TTC39B: variants seen among roughly 807,000 people sequenced by gnomAD.
TTC39B encodes the protein tetratricopeptide repeat domain 39B.
A neutral mutation model predicts 96.6 loss-of-function variants in TTC39B; 92 were observed. The ratio of observed to expected loss-of-function variants is 0.95; its 90% CI spans 0.80 to 1.13. TTC39B has a LOEUF of 1.13. TTC39B is among the 50% of genes most tolerant of loss of function. TTC39B has a pLI of 0.00. For missense variants in TTC39B, 955 were observed against 809.3 expected (o/e 1.18, Z -2.18); for synonymous variants, 367 against 299.4 (o/e 1.23, Z -2.33).
intron 13 of TTC39B, among the ~76,000 whole-genome samples, chr9:15,188,380 T>C (rs1818658600): frequency 6.6e-6 from 1 of 152,218 alleles, no homozygotes; most frequent in South Asian, 2.1e-4. Context: ...CCAAGGAAGA[T>C]ATCAAATGCA....
chr9:15,246,159 A>AGGAGAATTGCT (rs1406832072), intron 2 of TTC39B, among the ~76,000 whole-genome samples: 1 of 152,220 alleles, frequency 6.6e-6, no homozygotes, highest in Non-Finnish European at 1.5e-5. Context: ...AGTCTGAGGC[A>AGGAGAATTGCT]GGAGAATTGC....
chr9:15,258,728 C>G (rs567590079), intron 2 of TTC39B, among the ~76,000 whole-genome samples: 2 of 152,156 alleles, frequency 1.3e-5, no homozygotes, highest in Non-Finnish European at 2.9e-5. Flanking sequence ...TAGGGGTTCA[C>G]TGGTCATTCA....
intron 6 of TTC39B, among the ~76,000 whole-genome samples, chr9:15,204,594 A>G (rs1411743071): frequency 1.3e-5 from 2 of 152,186 alleles, no homozygotes; most frequent in African/African-American, 2.4e-5. Flanking sequence ...AATTAAATGT[A>G]TGAATGCTAG....
chr9:15,302,876 C>T (rs1587043538), intron 1 of TTC39B, among the ~76,000 whole-genome samples: 1 of 148,776 alleles, frequency 6.7e-6, no homozygotes, highest in East Asian at 2.0e-4. Flanking sequence ...GTTTAAAAAG[C>T]TATGAACATT....
At position 15,271,271 on chromosome 9, in the gene TTC39B, C is replaced by G. The variant is rs553964271; in HGVS notation, c.241-3323G>C. ...TGTGTTTAATTTTGCCATCTGCTGT[C>G]TGATTGGAGTCCGCACACTGTGAAG... On this transcript the variant is annotated intron_variant, in intron 1 of 19. Transcript: ENST00000512701. Among the ~76,000 whole-genome samples the G allele has an allele frequency of 8.5e-4, 130 of 152,280 alleles. 5 individuals carry two copies. In the South Asian group the frequency reaches 0.027, roughly 31 times the overall value.
At chr9:15,275,913 T>G (rs1823527155) in intron 1 of TTC39B, among the ~76,000 whole-genome samples, 1 of 152,168 alleles carries the variant, frequency 6.6e-6, no homozygotes, top group African/African-American at 2.4e-5. Context: ...CTTTAAGATC[T>G]TTTTTTGAAA....
intron 2 of TTC39B, among the ~76,000 whole-genome samples, chr9:15,258,119 G>C (rs1264451316): frequency 6.6e-6 from 1 of 152,070 alleles, no homozygotes; most frequent in Non-Finnish European, 1.5e-5. Context: ...GGGTGCAGTT[G>C]GAAAAGTAGA....
At chr9:15,252,094 T>G (rs1378936103) in intron 2 of TTC39B, among the ~76,000 whole-genome samples, 1 of 152,126 alleles carries the variant, frequency 6.6e-6, no homozygotes, top group African/African-American at 2.4e-5. Flanking sequence ...AGACCTGGTG[T>G]TGTGAAGTTC....
Position 15,186,944 on chromosome 9 carries a change from C to T in TTC39B, c.1487G>A (p.Arg496Lys), listed in dbSNP as rs763176959. ...GTTATAGGAATAGTGTCTCACATAC[C>T]TGAATAAAGTTACCACATTCTCATT... The change falls in exon 15 of 20, where the codon AGA becomes AAA. Residue 496 changes from arginine to lysine, a missense_variant and splice_region_variant. Transcript: ENST00000512701. 6.8e-6 allele frequency: 11 copies of T among 1,613,078 alleles called. No individual in the cohort carries two copies. The South Asian group carries it at 1.2e-4, about 18-fold the overall frequency.
intron 8 of TTC39B, among the ~76,000 whole-genome samples, chr9:15,194,382 T>C (rs888494792): frequency 2.0e-5 from 3 of 152,208 alleles, no homozygotes; most frequent in Non-Finnish European, 4.4e-5. Context: ...CCTATCTTTC[T>C]TCACTGTTTT....
intron 1 of TTC39B, among the ~76,000 whole-genome samples, chr9:15,300,485 G>A (rs1349893619): frequency 2.6e-5 from 4 of 152,136 alleles, no homozygotes. Flanking sequence ...ACTAACTGTT[G>A]CAACAGCCTT....
At chr9:15,270,065 G>A (rs1823284785) in intron 1 of TTC39B, among the ~76,000 whole-genome samples, 1 of 151,960 alleles carries the variant, frequency 6.6e-6, no homozygotes, top group Admixed American at 6.6e-5. Flanking sequence ...GCTACTTGAG[G>A]AGGCTGAGGC....
chr9:15,181,568 C>T (rs1158347733), intron 17 of TTC39B, among the ~76,000 whole-genome samples: 2 of 152,154 alleles, frequency 1.3e-5, no homozygotes, highest in South Asian at 2.1e-4. Context: ...CTCCTTTTAC[C>T]ACATCAGCTG....
intron 2 of TTC39B, among the ~76,000 whole-genome samples, chr9:15,252,581 C>G (rs200733857): frequency 6.6e-6 from 1 of 151,812 alleles, no homozygotes; most frequent in South Asian, 2.1e-4. Context: ...CTGGGAGGCA[C>G]AGGTTGCAGT....
At chr9:15,288,924 G>A (rs566193773) in intron 1 of TTC39B, among the ~76,000 whole-genome samples, 5 of 152,358 alleles carry the variant, frequency 3.3e-5, no homozygotes, top group African/African-American at 1.2e-4. Flanking sequence ...CCCATGAGGG[G>A]AGTCAGGGAA....
At chr9:15,293,932 C>T (rs781750407) in intron 1 of TTC39B, among the ~76,000 whole-genome samples, 1 of 152,172 alleles carries the variant, frequency 6.6e-6, no homozygotes, top group Non-Finnish European at 1.5e-5. Flanking sequence ...GTTTTCTGCA[C>T]GTCACTTTCC....
intron 16 of TTC39B, 148 bp downstream of exon 16, chr9:15,185,132 A>T: frequency 9.9e-7 from 1 of 1,009,820 alleles, no homozygotes; most frequent in Admixed American, 2.8e-5. Context: ...TTATTTATTA[A>T]TTATTTATTT....
intron 1 of TTC39B, among the ~76,000 whole-genome samples, chr9:15,284,099 G>A (rs1382666637): frequency 6.6e-6 from 1 of 152,130 alleles, no homozygotes; most frequent in African/African-American, 2.4e-5. Context: ...AGGTCATAAG[G>A]AATAGACAAC....
intron 8 of TTC39B, among the ~76,000 whole-genome samples, chr9:15,193,526 T>C (rs139675913): frequency 2.2e-3 from 332 of 152,342 alleles, no homozygotes; most frequent in Non-Finnish European, 4.3e-3. Context: ...AGCAAGCCTA[T>C]AGACCTAACT....
Sources: allele counts gnomAD v4.1 joint callset (sites outside exome capture counted in the v4.1 genomes callset), GRCh38; gene constraint gnomAD v4.1.1; transcripts MANE v1.5; gene names NCBI Gene and HGNC (gene_info 2026-07-23, HGNC 2026-07-21).